Variants in STX2 observed in about 807,000 individuals in gnomAD.
The protein encoded by STX2 is syntaxin 2, also known as syntaxin-2.
Under a neutral mutation model 40.6 loss-of-function variants are expected in STX2, and 27 were observed. The observed-to-expected ratio is 0.66, with a 90% CI of 0.49 to 0.92. The LOEUF is 0.92. STX2 is among the 40% of genes least tolerant of loss of function. The pLI, the probability that STX2 is intolerant of heterozygous loss-of-function variation, is 0.00. For synonymous variants in STX2, 123 were observed against 119.1 expected, an observed-to-expected ratio of 1.03 and a Z score of -0.22; for missense variants, 328 against 366.1, an observed-to-expected ratio of 0.90 and a Z score of 0.85.
Position 130,791,645 on chromosome 12 carries a change from G to A in STX2, c.*378C>T, listed in dbSNP as rs928024988. 5.7e-6 allele frequency: 2 copies of A among 349,854 alleles called. No individual in the cohort carries two copies. The highest frequency in any genetic ancestry group is 4.2e-5 in the African/African-American group (2 of 47,442). The allele number at this position is 349,854 out of a possible 1,614,324, so 21.7% of individuals were successfully genotyped here. ...ATGTTCAATATTTTCTTATTTCAAG[G>A]CCAGTGAGAGAAGTCTCACACTGCT... On this transcript the variant is annotated 3_prime_UTR_variant, in exon 11 of 11. Transcript: ENST00000392373.
chr12:130,815,254 T>C (rs1255294542), intron 3 of STX2, among the ~76,000 whole-genome samples: 1 of 152,040 alleles, frequency 6.6e-6, no homozygotes, highest in East Asian at 1.9e-4. Context: ...ATTTGTGGGG[T>C]ATTTCCAGTC....
At chr12:130,806,284 G>C (rs1362039593) in intron 6 of STX2, among the ~76,000 whole-genome samples, 2 of 152,164 alleles carry the variant, frequency 1.3e-5, no homozygotes, top group African/African-American at 2.4e-5. Flanking sequence ...GCTCCGTGGG[G>C]GCCGGCAGAA....
chr12:130,805,621 C>T (rs1352355879), intron 6 of STX2, among the ~76,000 whole-genome samples: 4 of 152,156 alleles, frequency 2.6e-5, no homozygotes, highest in Admixed American at 6.5e-5. Context: ...AGAGCAGGTG[C>T]TCAGAAGGGT....
Position 130,808,783 on chromosome 12 carries a change from T to TAAA in STX2, c.281-80_281-79insTTT. On this transcript the variant is annotated intron_variant, in intron 4 of 10. Transcript: ENST00000392373. Reference sequence around the variant, plus strand: ...AAGCCTGACTTCAAATTCCTTTTATTTCTTATCTTTGAAGTATCTTTATAA... The same window carrying TAAA: ...AAGCCTGACTTCAAATTCCTTTTATTAAATCTTATCTTTGAAGTATCTTTATAA... 5 of 1,235,996 alleles carry TAAA rather than the reference T, an allele frequency of 4.0e-6. No individual in the cohort carries two copies. The South Asian group carries it at 6.6e-5, about 16-fold the overall frequency. 76.6% of individuals were successfully genotyped at this position (1,235,996 alleles called of 1,614,324 possible).
At chr12:130,796,702 C>G (rs1951039707) in intron 9 of STX2, among the ~76,000 whole-genome samples, 1 of 152,134 alleles carries the variant, frequency 6.6e-6, no homozygotes, top group Non-Finnish European at 1.5e-5. Context: ...ATGACTGAGA[C>G]ATGCAGTTAG....
chr12:130,827,357 A>T (rs1406183721), intron 1 of STX2, 90 bp from the exon 2 acceptor site: 2 of 985,826 alleles, frequency 2.0e-6, no homozygotes, highest in Non-Finnish European at 3.1e-6. Context: ...CAATACCCAC[A>T]AGATCTCAAC....
chr12:130,807,182 CAT>C (rs754848525), intron 5 of STX2, 92 bp from the exon 6 acceptor site: 146 of 1,193,044 alleles, frequency 1.2e-4, no homozygotes, highest in Non-Finnish European at 1.7e-4. Context: ...ACTCAAACTA[CAT>C]GTTATTCTGC....
At chr12:130,800,919 T>G (rs979245674) in intron 8 of STX2, among the ~76,000 whole-genome samples, 22 of 152,246 alleles carry the variant, frequency 1.4e-4, no homozygotes, top group African/African-American at 3.9e-4. Context: ...CCTAAAAGGC[T>G]GACCTATGAA....
At chr12:130,813,149 T>C in intron 3 of STX2, 118 bp from the exon 4 acceptor site, 1 of 664,786 alleles carries the variant, frequency 1.5e-6, no homozygotes, top group Non-Finnish European at 2.3e-6. Context: ...ACTTTTTTTC[T>C]GTAAGAAAAA....
At chr12:130,802,625 G>C (rs1951275397) in intron 6 of STX2, among the ~76,000 whole-genome samples, 1 of 152,134 alleles carries the variant, frequency 6.6e-6, no homozygotes, top group East Asian at 1.9e-4. Context: ...AGCCTCCCAA[G>C]TGACTGTGAT....
chr12:130,832,232 G>A (rs1352102054), intron 1 of STX2, among the ~76,000 whole-genome samples: 1 of 151,720 alleles, frequency 6.6e-6, no homozygotes, highest in Non-Finnish European at 1.5e-5. Flanking sequence ...CTAGTGTTAG[G>A]TGAAACCACA....
intron 2 of STX2, among the ~76,000 whole-genome samples, chr12:130,824,622 G>C (rs1952232970): frequency 6.6e-6 from 1 of 151,970 alleles, no homozygotes. Context: ...ATAGCACAGG[G>C]GTCCTTTGGC....
chr12:130,810,147 T>A (rs1012605407), intron 4 of STX2, among the ~76,000 whole-genome samples: 1 of 152,216 alleles, frequency 6.6e-6, no homozygotes, highest in African/African-American at 2.4e-5. Context: ...TGACAGTAGA[T>A]GCTGGCATAA....
chr12:130,799,523 T>C (rs1400855268), intron 8 of STX2, among the ~76,000 whole-genome samples: 1 of 152,110 alleles, frequency 6.6e-6, no homozygotes, highest in African/African-American at 2.4e-5. Context: ...AAGTAACCAA[T>C]GGTAATCAGA....
intron 2 of STX2, among the ~76,000 whole-genome samples, chr12:130,824,563 G>A (rs1020297791): frequency 1.3e-5 from 2 of 152,174 alleles, no homozygotes; most frequent in Admixed American, 6.5e-5. Context: ...TACCTAGACA[G>A]GCACTGAGAG....
intron 10 of STX2, among the ~76,000 whole-genome samples, chr12:130,795,113 ATTCT>A (rs1950988219): frequency 6.6e-6 from 1 of 152,242 alleles, no homozygotes; most frequent in Non-Finnish European, 1.5e-5. Flanking sequence ...TATATTCAGA[ATTCT>A]TTAAGAATTA....
At chr12:130,793,480 C>A (rs1337085470) in intron 10 of STX2, among the ~76,000 whole-genome samples, 1 of 152,204 alleles carries the variant, frequency 6.6e-6, no homozygotes. Flanking sequence ...TCTCCTGCTG[C>A]TGTTGTGCTG....
At chr12:130,835,043 C>T (rs543252515) in intron 1 of STX2, among the ~76,000 whole-genome samples, 1 of 152,344 alleles carries the variant, frequency 6.6e-6, no homozygotes, top group African/African-American at 2.4e-5. Flanking sequence ...AATCCCAGCA[C>T]TTTGGGAGCC....
intron 1 of STX2, among the ~76,000 whole-genome samples, chr12:130,832,619 C>T (rs935876343): frequency 6.6e-6 from 1 of 152,188 alleles, no homozygotes; most frequent in Non-Finnish European, 1.5e-5. Flanking sequence ...AGGATCAGAA[C>T]TGACATGATG....
Sources: allele counts gnomAD v4.1 joint callset (sites outside exome capture counted in the v4.1 genomes callset), GRCh38; gene constraint gnomAD v4.1.1; transcripts MANE v1.5; gene names NCBI Gene and HGNC (gene_info 2026-07-23, HGNC 2026-07-21).